The following RAPGEF2 variants were observed in gnomAD, a reference collection of about 807,000 sequenced individuals.
The protein encoded by RAPGEF2 is PDZ domain containing guanine nucleotide exchange factor (GEF) 1.
A neutral mutation model predicts 186.7 loss-of-function variants in RAPGEF2; 54 were observed. The ratio of observed to expected loss-of-function variants is 0.29; its 90% confidence interval spans 0.23 to 0.36. The LOEUF is 0.36. Ranked by LOEUF, RAPGEF2 falls within the 10% of genes least tolerant of loss-of-function variation. The pLI is 1.00. For missense variants in RAPGEF2, 1,532 were observed against 2,045.0 expected (o/e 0.75, Z 4.84); for synonymous variants, 712 against 705.9 (o/e 1.01, Z -0.14).
chr4:159,180,861 G>A (rs7679099), intron 1 of RAPGEF2, among the ~76,000 whole-genome samples: 1 of 151,966 alleles, frequency 6.6e-6, no homozygotes, highest in East Asian at 1.9e-4. Context: ...TACAGGCTCA[G>A]TAACAATTTC....
chr4:159,307,269 TAAG>T (rs1763414491), intron 8 of RAPGEF2, among the ~76,000 whole-genome samples: 2 of 152,176 alleles, frequency 1.3e-5, no homozygotes. Flanking sequence ...AGTGAACAAT[TAAG>T]AATACCATCA....
rs565732821 is a variant in RAPGEF2, at chr4:159,191,012, T to A, written c.141-2188T>A. ...CAAGTGGCAGCACTGAGTAGGCATT[T>A]AAATGAGTGGCTGCCGTGATGAGAG... On this transcript the variant is annotated intron_variant, in intron 2 of 29. Coordinates refer to ENST00000691494, the MANE Select transcript of RAPGEF2 (RefSeq NM_001394067.2). 2.6e-5 allele frequency among the ~76,000 whole-genome samples: 4 copies of A among 152,306 alleles called. No homozygotes were observed. The East Asian group carries it at 7.7e-4, about 29-fold the overall frequency.
chr4:159,298,517 C>T (rs1222860856), intron 7 of RAPGEF2, among the ~76,000 whole-genome samples: 2 of 152,152 alleles, frequency 1.3e-5, no homozygotes, highest in Non-Finnish European at 2.9e-5. Context: ...AAATTTCCTG[C>T]CTCATCAAGC....
intron 1 of RAPGEF2, among the ~76,000 whole-genome samples, chr4:159,112,486 A>G (rs1738604590): frequency 6.6e-6 from 1 of 152,208 alleles, no homozygotes; most frequent in Non-Finnish European, 1.5e-5. Context: ...CTGTATATAC[A>G]AAAGGGAGTC....
At chr4:159,222,856 T>A (rs542913218) in intron 4 of RAPGEF2, among the ~76,000 whole-genome samples, 2 of 152,172 alleles carry the variant, frequency 1.3e-5, no homozygotes, top group Middle Eastern at 6.8e-3. Flanking sequence ...TGGAATGTCA[T>A]TATTAAGATA....
chr4:159,254,254 G>C lies in RAPGEF2; in HGVS notation c.543+10463G>C, dbSNP rs565590099. ...TAGTTACATAGTAGTAGTGATGCCA[G>C]TGTCTTGATATATCCTAAGACATCA... On this transcript the variant is annotated intron_variant, in intron 7 of 29. Transcript: ENST00000691494. Among the ~76,000 whole-genome samples, 4 of 152,314 alleles carry C rather than the reference G, an allele frequency of 2.6e-5. 1 individual carries two copies. The South Asian group carries it at 8.3e-4, about 32-fold the overall frequency.
At position 159,356,069 on chromosome 4, in the gene RAPGEF2, C is replaced by A; in HGVS notation, c.4868C>A (p.Pro1623His). The change falls in exon 29 of 30, where the codon CCT (proline) becomes CAT (histidine). Residue 1623 changes from proline to histidine, a missense_variant. Pro to His is a moderately conservative substitution (Grantham distance 77, BLOSUM62 -2). Coordinates refer to ENST00000691494, the MANE Select transcript of RAPGEF2 (RefSeq NM_001394067.2). The stretch of plus-strand genomic sequence containing the variant: ...CATGGGCATCCCACCAGCAGCAGGC[C>A]TGTGAACAAACCTCAGTGGCATAAA... ...QPHGHPTSSR[P>H]VNKPQWHKPN... The A allele has an allele frequency of 6.2e-7, 1 of 1,614,198 alleles. No homozygotes were observed. Among genetic ancestry groups the A allele is most frequent in the Non-Finnish European group, 8.5e-7 (1 of 1,180,042 alleles).
chr4:159,353,013 C>T lies in RAPGEF2; in HGVS notation c.4091+103C>T. ...TTGTTTTTATTTATTTTACATAATGCCTAAGAATTTTTCTGCCATCCCAGT... is the reference window on the plus strand; with the variant it reads ...TTGTTTTTATTTATTTTACATAATGTCTAAGAATTTTTCTGCCATCCCAGT... On this transcript the variant is annotated intron_variant, in intron 27 of 29. Transcript: ENST00000691494. This position sits in a 1 kb window ranked among gnomAD's most constrained non-coding sequence, Gnocchi z 4.3. The T allele has an allele frequency of 8.8e-7, 1 of 1,132,162 alleles. No homozygotes were observed. Among genetic ancestry groups the T allele is most frequent in the Non-Finnish European group, 1.2e-6 (1 of 809,964 alleles). The allele number at this position is 1,132,162 out of a possible 1,614,324, so 70.1% of individuals were successfully genotyped here. A position where few individuals can be genotyped will look rare whatever the true frequency, so the allele number is the denominator to read the frequency against.
chr4:159,294,636 T>TTCCC (rs1441775129), intron 7 of RAPGEF2, among the ~76,000 whole-genome samples: 7 of 63,200 alleles, frequency 1.1e-4, no homozygotes, highest in African/African-American at 5.6e-4. Context: ...CTTCCATTTC[T>TTCCC]TCCTTCCTTC....
chr4:159,319,798 T>A (rs934786327), intron 9 of RAPGEF2, among the ~76,000 whole-genome samples: 6 of 152,054 alleles, frequency 3.9e-5, no homozygotes, highest in African/African-American at 1.4e-4. Flanking sequence ...CCGCTACTTA[T>A]ATATCACAAA....
chr4:159,104,297 C>A, intron 1 of RAPGEF2, 66 bp downstream of exon 1: 1 of 678,940 alleles, frequency 1.5e-6, no homozygotes, highest in Non-Finnish European at 2.1e-6. Context: ...CTTCCCCTGT[C>A]CCCCCACCTC....
chr4:159,138,024 G>C (rs1023176127), intron 1 of RAPGEF2, among the ~76,000 whole-genome samples: 1 of 152,150 alleles, frequency 6.6e-6, no homozygotes, highest in Non-Finnish European at 1.5e-5. Context: ...TGGTATAATT[G>C]ACTTTCGCAC....
intron 1 of RAPGEF2, among the ~76,000 whole-genome samples, chr4:159,129,165 C>T (rs967378412): frequency 2.0e-5 from 3 of 151,810 alleles, no homozygotes; most frequent in African/African-American, 7.3e-5. Context: ...GAATAGAAAT[C>T]TTATCGCTTT....
intron 1 of RAPGEF2, among the ~76,000 whole-genome samples, chr4:159,151,819 G>A (rs2111192855): frequency 6.6e-6 from 1 of 152,182 alleles, no homozygotes; most frequent in East Asian, 1.9e-4. Flanking sequence ...TTAAAGCTTT[G>A]CATCTTAGGA....
intron 8 of RAPGEF2, among the ~76,000 whole-genome samples, chr4:159,314,161 C>T (rs967710078): frequency 3.9e-5 from 6 of 152,148 alleles, no homozygotes; most frequent in Admixed American, 3.9e-4. Flanking sequence ...TCCATAAGGA[C>T]TGTCTAATTG....
At chr4:159,330,647 A>C in intron 13 of RAPGEF2, 149 bp downstream of exon 13, 1 of 589,736 alleles carries the variant, frequency 1.7e-6, no homozygotes, top group Non-Finnish European at 2.8e-6. Flanking sequence ...AAAAAAACAA[A>C]AAAAAAGGTG....
chr4:159,106,353 C>T (rs1737884252), intron 1 of RAPGEF2, among the ~76,000 whole-genome samples: 2 of 151,958 alleles, frequency 1.3e-5, no homozygotes, highest in South Asian at 4.2e-4. Context: ...GAACGTTTTC[C>T]ATCTTTACCT....
At chr4:159,154,290 A>G (rs997147888) in intron 1 of RAPGEF2, among the ~76,000 whole-genome samples, 2 of 152,194 alleles carry the variant, frequency 1.3e-5, no homozygotes, top group South Asian at 2.1e-4. Context: ...AAAACTTACT[A>G]GGTCGATCAG....
At chr4:159,208,918 T>C (rs544343250) in intron 3 of RAPGEF2, among the ~76,000 whole-genome samples, 120 of 151,876 alleles carry the variant, frequency 7.9e-4, no homozygotes, top group Middle Eastern at 3.4e-3. Context: ...AGACAGAGTC[T>C]CTCGCCATGG....
Sources: gnomAD v4.1 joint callset for allele counts (sites outside exome capture counted in the v4.1 genomes callset) on GRCh38, gnomAD v4.1.1 for gene constraint, Gnocchi (gnomAD v3.1) non-coding constraint, MANE v1.5 for transcripts, NCBI Gene and HGNC (gene_info 2026-07-23, HGNC 2026-07-21) for gene names.